The following GRK3 variants were observed in gnomAD, a reference collection of about 807,000 sequenced individuals.
GRK3 encodes G protein-coupled receptor kinase 3, also known as adrenergic, beta, receptor kinase 2.
GRK3 carries 54 observed loss-of-function variants against 95.7 expected under a neutral mutation model. That is an observed-to-expected ratio of 0.56 (90% CI 0.45 to 0.71). The LOEUF is 0.71. Among genes scored for constraint, GRK3 ranks in the 30% least tolerant of loss-of-function variants. The pLI is 0.00. For missense variants in GRK3, 649 were observed against 851.2 expected (o/e 0.76, Z 2.96); for synonymous variants, 281 against 290.8 (o/e 0.97, Z 0.34).
At chr22:25,654,256 A>G (rs1008080760) in intron 3 of GRK3, among the ~76,000 whole-genome samples, 2 of 152,188 alleles carry the variant, frequency 1.3e-5, no homozygotes, top group African/African-American at 2.4e-5. Context: ...GATATATACC[A>G]TTATTATTAG....
intron 13 of GRK3, among the ~76,000 whole-genome samples, chr22:25,699,496 C>T (rs1233299506): frequency 6.6e-6 from 1 of 152,014 alleles, no homozygotes; most frequent in East Asian, 1.9e-4. Flanking sequence ...GCCAAGGATG[C>T]TGCTCAACAT....
chr22:25,599,526 A>G (rs1364053757), intron 1 of GRK3, among the ~76,000 whole-genome samples: 1 of 150,720 alleles, frequency 6.6e-6, no homozygotes, highest in Non-Finnish European at 1.5e-5. Context: ...CGGGAGGCGG[A>G]GCTTGCAGTG....
At chr22:25,640,937 T>G (rs2084738479) in intron 2 of GRK3, among the ~76,000 whole-genome samples, 1 of 152,246 alleles carries the variant, frequency 6.6e-6, no homozygotes, top group South Asian at 2.1e-4. Flanking sequence ...AGGCAAAATA[T>G]TTCCTTATTT....
At chr22:25,650,043 G>A (rs1417645253) in intron 3 of GRK3, among the ~76,000 whole-genome samples, 1 of 151,074 alleles carries the variant, frequency 6.6e-6, no homozygotes, top group Non-Finnish European at 1.5e-5. Context: ...CCAGGCTAGA[G>A]TGCATTGGCG....
chr22:25,712,184 A>G (rs1210783596), intron 17 of GRK3, among the ~76,000 whole-genome samples: 3 of 152,184 alleles, frequency 2.0e-5, no homozygotes, highest in Non-Finnish European at 4.4e-5. Context: ...TCATGGGACC[A>G]GCTTTTCTGG....
intron 1 of GRK3, among the ~76,000 whole-genome samples, chr22:25,575,455 T>G (rs983368612): frequency 6.6e-6 from 1 of 152,318 alleles, no homozygotes; most frequent in African/African-American, 2.4e-5. Flanking sequence ...TGGGTCAGTA[T>G]TGAAATGATC....
chr22:25,606,604 C>T (rs1247812037), intron 2 of GRK3, among the ~76,000 whole-genome samples: 2 of 152,110 alleles, frequency 1.3e-5, no homozygotes, highest in Non-Finnish European at 2.9e-5. Context: ...CTTCCCTCTC[C>T]CCTCATTGTT....
intron 13 of GRK3, 55 bp downstream of exon 13, chr22:25,695,269 G>A: frequency 1.6e-6 from 2 of 1,222,156 alleles, no homozygotes; most frequent in Middle Eastern, 1.9e-4. Context: ...GAGCTTGGAT[G>A]AAAACTGAGA....
intron 3 of GRK3, among the ~76,000 whole-genome samples, chr22:25,657,817 T>A (rs2084883233): frequency 6.6e-6 from 1 of 152,092 alleles, no homozygotes; most frequent in African/African-American, 2.4e-5. Flanking sequence ...ATATATATAT[T>A]TGATATTTGG....
In GRK3 at chr22:25,723,796, C is replaced by T. The variant is rs1217648410; in HGVS notation, c.*1346C>T. The T allele has an allele frequency of 6.6e-6, 1 of 152,118 alleles. No individual in the cohort carries two copies. Among genetic ancestry groups the T allele is most frequent in the African/African-American group, 2.4e-5 (1 of 41,422 alleles). 9.4% of individuals were successfully genotyped at this position (152,118 alleles called of 1,614,324 possible). On this transcript the variant is annotated 3_prime_UTR_variant, in exon 21 of 21. Transcript: ENST00000324198. ...AACTTGACATCGTAATTGTCTGCATCCTGTCCTTGATATTTTTAGCAGTTC... is the reference window on the plus strand; with the variant it reads ...AACTTGACATCGTAATTGTCTGCATTCTGTCCTTGATATTTTTAGCAGTTC...
intron 3 of GRK3, among the ~76,000 whole-genome samples, chr22:25,660,548 C>T (rs549539566): frequency 1.3e-5 from 2 of 152,280 alleles, no homozygotes; most frequent in African/African-American, 4.8e-5. Context: ...CAGTGTTTCA[C>T]GTACCCTTTT....
intron 11 of GRK3, 115 bp downstream of exon 11, chr22:25,687,782 C>T: frequency 8.6e-7 from 1 of 1,163,834 alleles, no homozygotes; most frequent in Non-Finnish European, 1.2e-6. Context: ...TCATCTCAGC[C>T]CTGATGAAGT....
chr22:25,574,498 G>A (rs41260044), intron 1 of GRK3, among the ~76,000 whole-genome samples: 4,503 of 152,152 alleles, frequency 0.03, 117 homozygotes, highest in Middle Eastern at 0.068. Flanking sequence ...AAAATACAAA[G>A]AAACAAATAA....
chr22:25,687,397 C>T, intron 10 of GRK3, 140 bp from the exon 11 acceptor site: 1 of 760,506 alleles, frequency 1.3e-6, no homozygotes, highest in Non-Finnish European at 2.1e-6. Flanking sequence ...TGCTAAACTA[C>T]AGGAATGAAA....
chr22:25,708,188 A>G (rs1378483739), intron 15 of GRK3, among the ~76,000 whole-genome samples: 1 of 152,126 alleles, frequency 6.6e-6, no homozygotes, highest in African/African-American at 2.4e-5. Context: ...CGGAGGTTGC[A>G]GTGAGCCGAG....
intron 1 of GRK3, among the ~76,000 whole-genome samples, chr22:25,602,682 A>G (rs1365384755): frequency 1.3e-5 from 2 of 152,236 alleles, no homozygotes; most frequent in Non-Finnish European, 2.9e-5. Context: ...GTCTCATGTC[A>G]AACAAAAGAA....
At chr22:25,694,044 G>A (rs2085187066) in intron 12 of GRK3, among the ~76,000 whole-genome samples, 2 of 152,120 alleles carry the variant, frequency 1.3e-5, no homozygotes, top group African/African-American at 2.4e-5. Flanking sequence ...GCCTGCCTTG[G>A]CCTCCCAAAC....
At chr22:25,706,989 C>CTT (rs1262183126) in intron 15 of GRK3, among the ~76,000 whole-genome samples, 2 of 145,570 alleles carry the variant, frequency 1.4e-5, no homozygotes, top group African/African-American at 5.0e-5. Flanking sequence ...GCCTGGCTAA[C>CTT]TTTTTTTTTT....
chr22:25,697,134 A>T (rs2085215340), intron 13 of GRK3, among the ~76,000 whole-genome samples: 1 of 152,234 alleles, frequency 6.6e-6, no homozygotes. Flanking sequence ...GAATGTAAAA[A>T]TCAGCAGTAA....
Sources: gnomAD v4.1 joint callset for allele counts (sites outside exome capture counted in the v4.1 genomes callset) on GRCh38, gnomAD v4.1.1 for gene constraint, MANE v1.5 for transcripts, NCBI Gene and HGNC (gene_info 2026-07-23, HGNC 2026-07-21) for gene names.